The following DDX46 variants were observed in gnomAD, a reference collection of about 807,000 sequenced individuals.
The protein encoded by DDX46 is DEAD-box helicase 46.
In DDX46, 30 loss-of-function variants were observed where a neutral mutation model predicts 134.9. The ratio of observed to expected loss-of-function variants is 0.22; its 90% confidence interval spans 0.17 to 0.30. DDX46 has a LOEUF of 0.30. Among genes scored for constraint, DDX46 ranks in the 10% least tolerant of loss-of-function variants. The pLI is 1.00. For missense variants in DDX46, 622 were observed against 1,248.7 expected, an observed-to-expected ratio of 0.50 and a Z score of 7.56; for synonymous variants, 415 against 404.1, an observed-to-expected ratio of 1.03 and a Z score of -0.32.
intron 11 of DDX46, among the ~76,000 whole-genome samples, chr5:134,785,925 T>G (rs1754319249): frequency 6.6e-6 from 1 of 151,980 alleles, no homozygotes; most frequent in Non-Finnish European, 1.5e-5. Flanking sequence ...CTCGGCTCAC[T>G]GCAACCTCTG....
intron 11 of DDX46, among the ~76,000 whole-genome samples, chr5:134,787,467 T>C (rs1452079132): frequency 6.6e-6 from 1 of 152,250 alleles, no homozygotes; most frequent in Non-Finnish European, 1.5e-5. Context: ...AACTGTTTCT[T>C]AGGACTATTG....
At chr5:134,790,349 C>A in intron 12 of DDX46, 121 bp from the exon 13 acceptor site, 2 of 793,540 alleles carry the variant, frequency 2.5e-6, no homozygotes, top group East Asian at 2.7e-5. Context: ...CTAACTTACC[C>A]CTCTGGTTAA....
chr5:134,773,322 TA>T (rs1753831717), intron 4 of DDX46, among the ~76,000 whole-genome samples: 1 of 152,204 alleles, frequency 6.6e-6, no homozygotes, highest in South Asian at 2.1e-4. Flanking sequence ...TGGAGGCGTT[TA>T]GGGGATTAAA....
chr5:134,788,846 C>T (rs958527709), intron 12 of DDX46, among the ~76,000 whole-genome samples: 10 of 141,910 alleles, frequency 7.0e-5, no homozygotes, highest in Non-Finnish European at 1.4e-4. Context: ...AAGACTCCGT[C>T]TCAAAAAAAA....
In DDX46 at chr5:134,764,516, CAT is replaced by C. The variant is rs537853327; in HGVS notation, c.206+425_206+426del. ...CAGGCTGCTCTCGATCTCCTGGCCT[CAT>C]GTGATCCTCCCACCTTGGCCTCCCA... On this transcript the variant is annotated intron_variant, in intron 2 of 22. Transcript: ENST00000452510. Among the ~76,000 whole-genome samples the C allele has an allele frequency of 1.1e-4, 17 of 152,252 alleles. No individual in the cohort carries two copies. In the South Asian group the frequency reaches 3.1e-3, roughly 28 times the overall value.
intron 15 of DDX46, among the ~76,000 whole-genome samples, chr5:134,800,260 T>C (rs1754787218): frequency 6.6e-6 from 1 of 152,196 alleles, no homozygotes; most frequent in African/African-American, 2.4e-5. Context: ...AGTTAAGTAC[T>C]TTAAACAAAT....
In DDX46 at chr5:134,816,590, G is replaced by T; in HGVS notation, c.2597G>T (p.Gly866Val). 1 of 1,613,320 alleles carries T rather than the reference G, an allele frequency of 6.2e-7. No individual in the cohort carries two copies. The highest frequency in any genetic ancestry group is 8.5e-7 in the Non-Finnish European group (1 of 1,179,876). ...AGAATCAATGCCCAGAAGAATTTGG[G>T]CATCGAGTCTCAGGTATTAAGTAAT... ...ALRINAQKNL[G>V]IESQVDVMQQ... The change falls in exon 19 of 23, where the codon GGC becomes GTC. Residue 866 changes from glycine to valine, a missense_variant. Coordinates refer to ENST00000452510, the MANE Select transcript of DDX46 (RefSeq NM_001300860.2).
chr5:134,776,839 G>A (rs1004266843), intron 5 of DDX46, among the ~76,000 whole-genome samples: 1 of 150,994 alleles, frequency 6.6e-6, no homozygotes, highest in Non-Finnish European at 1.5e-5. Context: ...CTTGAACCCA[G>A]GATATCAGAG....
chr5:134,777,581 A>G lies in DDX46; in HGVS notation c.621A>G (p.Glu207=). 1 of 1,612,568 alleles carries G rather than the reference A, an allele frequency of 6.2e-7. No homozygotes were observed. Among genetic ancestry groups the G allele is most frequent in the Non-Finnish European group, 8.5e-7 (1 of 1,179,770 alleles). Residue 207 remains glutamate (E), a synonymous_variant, in exon 6 of 23, where the codon GAA becomes GAG. Coordinates refer to ENST00000452510, the MANE Select transcript of DDX46 (RefSeq NM_001300860.2). Reference sequence around the variant, plus strand: ...TGTATTCTGGTATTTTAGATGACGAAGATGATCCTGCAGAAGCTGAAAAGG... The same window carrying G: ...TGTATTCTGGTATTTTAGATGACGAGGATGATCCTGCAGAAGCTGAAAAGG... The part of the protein sequence containing the change: ...KWSLEDDDDD[E]DDPAEAEKEG...
intron 21 of DDX46, among the ~76,000 whole-genome samples, chr5:134,820,864 C>CTTTTTTTTTTT (rs1180909732): frequency 2.4e-4 from 30 of 123,198 alleles, no homozygotes; most frequent in East Asian, 6.9e-4. Context: ...CTTTTCTTTT[C>CTTTTTTTTTTT]TTTTTTTTTT....
chr5:134,783,100 C>T (rs1016919485), intron 9 of DDX46, 35 bp downstream of exon 9: 6 of 1,607,336 alleles, frequency 3.7e-6, no homozygotes, highest in Non-Finnish European at 5.1e-6. Context: ...TTTTCCGTGT[C>T]TTGCTGCTCA....
intron 16 of DDX46, among the ~76,000 whole-genome samples, chr5:134,809,964 G>T (rs922562456): frequency 6.6e-6 from 1 of 152,164 alleles, no homozygotes; most frequent in Non-Finnish European, 1.5e-5. Flanking sequence ...GATGAACCAA[G>T]ATTGTGCCAT....
At chr5:134,796,923 G>A (rs553954950) in intron 15 of DDX46, among the ~76,000 whole-genome samples, 104 of 151,130 alleles carry the variant, frequency 6.9e-4, no homozygotes, top group Non-Finnish European at 1.0e-3. Context: ...AGGCTGAGGC[G>A]GGCGGATCAC....
At chr5:134,791,276 G>A (rs1278164339) in intron 13 of DDX46, among the ~76,000 whole-genome samples, 1 of 152,146 alleles carries the variant, frequency 6.6e-6, no homozygotes, top group African/African-American at 2.4e-5. Flanking sequence ...CCTTATATAT[G>A]CTCTTTGCTC....
intron 18 of DDX46, among the ~76,000 whole-genome samples, chr5:134,815,624 G>A (rs915249991): frequency 6.9e-5 from 10 of 144,702 alleles, no homozygotes; most frequent in African/African-American, 2.6e-4. Flanking sequence ...GAAGAATGGC[G>A]TGAACCTGGG....
intron 15 of DDX46, among the ~76,000 whole-genome samples, chr5:134,800,716 C>T (rs1281656556): frequency 6.6e-6 from 1 of 152,152 alleles, no homozygotes; most frequent in Non-Finnish European, 1.5e-5. Flanking sequence ...GCTCTTGTTG[C>T]CCAGGCTGTA....
Position 134,817,921 on chromosome 5 carries a change from AATG to A in DDX46, c.2832+210_2832+212del, listed in dbSNP as rs148339555. On this transcript the variant is annotated intron_variant, in intron 20 of 22. Transcript: ENST00000452510. ...ACTTATGATGCAGGTATGTATTAAT[AATG>A]ATCTTTGTTTTCTTTGCTTGTTTGT... 9.1e-3 allele frequency among the ~76,000 whole-genome samples: 1,387 copies of A among 151,784 alleles called. 10 individuals are homozygous for A. The highest frequency in any genetic ancestry group is 0.045 in the East Asian group (234 of 5,158).
intron 6 of DDX46, among the ~76,000 whole-genome samples, chr5:134,779,587 C>T (rs1388857231): frequency 2.0e-5 from 3 of 152,120 alleles, no homozygotes; most frequent in Non-Finnish European, 2.9e-5. Context: ...ATACCTCATA[C>T]GCCTGGGCTG....
intron 21 of DDX46, among the ~76,000 whole-genome samples, chr5:134,825,459 GTC>G (rs1458396331): frequency 6.6e-6 from 1 of 151,966 alleles, no homozygotes; most frequent in Admixed American, 6.6e-5. Flanking sequence ...TTCTAGCTCC[GTC>G]TCTGTCTCTC....
Sources: gnomAD v4.1 joint callset for allele counts (sites outside exome capture counted in the v4.1 genomes callset) on GRCh38, gnomAD v4.1.1 for gene constraint, MANE v1.5 for transcripts, NCBI Gene and HGNC (gene_info 2026-07-23, HGNC 2026-07-21) for gene names.